NEGR1: variants seen among roughly 807,000 people sequenced by gnomAD.
NEGR1 encodes neuronal growth regulator 1.
Under a neutral mutation model 40.9 loss-of-function variants are expected in NEGR1, and 10 were observed. The observed-to-expected ratio is 0.24, with a 90% CI of 0.15 to 0.42. NEGR1 has a LOEUF of 0.42. Ranked by LOEUF, NEGR1 falls within the 10% of genes least tolerant of loss-of-function variation. NEGR1 has a pLI of 1.00. For missense variants in NEGR1, 352 were observed against 438.9 expected (o/e 0.80, Z 1.77); for synonymous variants, 185 against 166.8 (o/e 1.11, Z -0.84).
chr1:72,222,988 G>C (rs1341047053), intron 1 of NEGR1, among the ~76,000 whole-genome samples: 1 of 152,158 alleles, frequency 6.6e-6, no homozygotes, highest in Non-Finnish European at 1.5e-5. Flanking sequence ...CTACCTGGGA[G>C]CCACTATGTT....
intron 3 of NEGR1, among the ~76,000 whole-genome samples, chr1:71,767,287 C>A (rs746965312): frequency 5.3e-5 from 8 of 152,070 alleles, no homozygotes; most frequent in Non-Finnish European, 1.0e-4. Context: ...GAAATCCAGG[C>A]TGATGGGGTC....
intron 1 of NEGR1, among the ~76,000 whole-genome samples, chr1:72,063,881 C>A (rs1647215314): frequency 6.6e-6 from 1 of 151,420 alleles, no homozygotes; most frequent in African/African-American, 2.4e-5. Context: ...CTCAGAGAAC[C>A]CCCCTGTAAG....
At chr1:71,545,961 A>T (rs1206198723) in intron 6 of NEGR1, among the ~76,000 whole-genome samples, 1 of 151,738 alleles carries the variant, frequency 6.6e-6, no homozygotes. Flanking sequence ...CAACTTGGAA[A>T]TATTATGGCT....
In NEGR1 at chr1:72,280,285, C is replaced by G. The variant is rs370687846; in HGVS notation, c.176+2034G>C. Among the ~76,000 whole-genome samples, 9 of 152,252 alleles carry G rather than the reference C, an allele frequency of 5.9e-5. No homozygotes were observed. In the East Asian group the frequency reaches 1.4e-3, roughly 23 times the overall value. On this transcript the variant is annotated intron_variant, in intron 1 of 6. Coordinates refer to ENST00000357731, the MANE Select transcript of NEGR1 (RefSeq NM_173808.3). ...TGTGGGTCCAGCTATCTTCACTAAC[C>G]ATAGTATTTATTAAATTGTTGTTTG...
chr1:71,492,700 G>A lies in NEGR1; in HGVS notation c.941-85130C>T, dbSNP rs367663052. ...TATGTGCAAGACACAAAGCTGGTTA[G>A]GTTAAATAAAATGACACATAAAACT... On this transcript the variant is annotated intron_variant, in intron 6 of 6. Transcript: ENST00000357731. Among the ~76,000 whole-genome samples the A allele has an allele frequency of 1.6e-3, 248 of 152,138 alleles. 2 individuals carry two copies. The Middle Eastern group carries it at 0.017, about 10-fold the overall frequency.
intron 1 of NEGR1, among the ~76,000 whole-genome samples, chr1:72,031,968 C>T (rs1646862412): frequency 6.6e-6 from 1 of 152,132 alleles, no homozygotes; most frequent in African/African-American, 2.4e-5. Context: ...CCTAGTGAGG[C>T]AAATATTATT....
At chr1:71,596,381 A>G (rs979474) in intron 5 of NEGR1, among the ~76,000 whole-genome samples, 3,374 of 152,320 alleles carry the variant, frequency 0.022, 127 homozygotes, top group African/African-American at 0.076. Flanking sequence ...GCTCATAAGT[A>G]ACACAGCCCA....
chr1:72,210,384 T>C (rs1450304240), intron 1 of NEGR1, among the ~76,000 whole-genome samples: 1 of 152,014 alleles, frequency 6.6e-6, no homozygotes, highest in Admixed American at 6.6e-5. Flanking sequence ...AAAACACTTC[T>C]GTTGCATTTC....
At chr1:71,646,241 T>C (rs1293371720) in intron 4 of NEGR1, among the ~76,000 whole-genome samples, 1 of 151,870 alleles carries the variant, frequency 6.6e-6, no homozygotes, top group African/African-American at 2.4e-5. Context: ...TACATTCATA[T>C]ACATGTCTAT....
chr1:72,060,425 T>A (rs1647156415), intron 1 of NEGR1, among the ~76,000 whole-genome samples: 2 of 151,698 alleles, frequency 1.3e-5, no homozygotes, highest in Non-Finnish European at 3.0e-5. Context: ...GGGTACAAAC[T>A]TTTATTACAT....
chr1:71,491,272 T>C (rs1286609531), intron 6 of NEGR1, among the ~76,000 whole-genome samples: 1 of 152,058 alleles, frequency 6.6e-6, no homozygotes, highest in South Asian at 2.1e-4. Context: ...ACAGGTTATA[T>C]GGAAATACTA....
At chr1:71,477,891 ATT>A (rs147512739) in intron 6 of NEGR1, among the ~76,000 whole-genome samples, 4 of 150,912 alleles carry the variant, frequency 2.7e-5, no homozygotes, top group Admixed American at 6.6e-5. Flanking sequence ...TCACTCTTGG[ATT>A]TTTAAAAAAA....
chr1:71,875,592 G>A (rs1255492612), intron 2 of NEGR1, among the ~76,000 whole-genome samples: 1 of 152,150 alleles, frequency 6.6e-6, no homozygotes, highest in Non-Finnish European at 1.5e-5. Context: ...AGTTTGATGT[G>A]CAGATACGGG....
chr1:71,823,395 C>T (rs187127373), intron 2 of NEGR1, among the ~76,000 whole-genome samples: 236 of 151,976 alleles, frequency 1.6e-3, no homozygotes, highest in Non-Finnish European at 2.7e-3. Flanking sequence ...TCCTTTCTCT[C>T]ATTTTGGGTA....
At chr1:72,190,961 T>A (rs1054222592) in intron 1 of NEGR1, among the ~76,000 whole-genome samples, 1 of 151,726 alleles carries the variant, frequency 6.6e-6, no homozygotes, top group African/African-American at 2.4e-5. Context: ...CTGCTACTTA[T>A]TTTTTGTCAT....
At chr1:72,137,589 T>C (rs1340770569) in intron 1 of NEGR1, among the ~76,000 whole-genome samples, 1 of 83,712 alleles carries the variant, frequency 1.2e-5, no homozygotes, top group Non-Finnish European at 2.4e-5. Flanking sequence ...AGACTGGGGG[T>C]GGGGGCTGGG....
At chr1:71,541,875 C>T (rs564709961) in intron 6 of NEGR1, among the ~76,000 whole-genome samples, 54 of 151,898 alleles carry the variant, frequency 3.6e-4, no homozygotes, top group African/African-American at 1.1e-3. Flanking sequence ...AAGAGCTGTT[C>T]GATCATTGCC....
intron 3 of NEGR1, among the ~76,000 whole-genome samples, chr1:71,725,635 T>C (rs2101657974): frequency 6.6e-6 from 1 of 152,274 alleles, no homozygotes; most frequent in East Asian, 1.9e-4. Context: ...TCTCAGTATT[T>C]TGATAACTTA....
chr1:71,737,346 CTT>C (rs199666300), intron 3 of NEGR1, among the ~76,000 whole-genome samples: 10 of 138,350 alleles, frequency 7.2e-5, no homozygotes, highest in African/African-American at 1.6e-4. Flanking sequence ...AGAAAACAGC[CTT>C]TTTTTTTTTT....
Sources: gnomAD v4.1 joint callset for allele counts (sites outside exome capture counted in the v4.1 genomes callset) on GRCh38, gnomAD v4.1.1 for gene constraint, MANE v1.5 for transcripts, NCBI Gene and HGNC (gene_info 2026-07-23, HGNC 2026-07-21) for gene names.